AKAP13: variants seen among roughly 807,000 people sequenced by gnomAD.
AKAP13 encodes A-kinase anchoring protein 13.
A neutral mutation model predicts 264.5 loss-of-function variants in AKAP13; 80 were observed. The ratio of observed to expected loss-of-function variants is 0.30; its 90% CI spans 0.25 to 0.36. AKAP13 has a LOEUF of 0.36. Ranked by LOEUF, AKAP13 falls within the 10% of genes least tolerant of loss-of-function variation. The pLI, the probability that AKAP13 is intolerant of heterozygous loss-of-function variation, is 1.00. For synonymous variants in AKAP13, 1,380 were observed against 1,250.2 expected, an observed-to-expected ratio of 1.10 and a Z score of -2.19; for missense variants, 3,712 against 3,435.2, an observed-to-expected ratio of 1.08 and a Z score of -2.01.
At chr15:85,469,877 A>G (rs779955050) in intron 1 of AKAP13, among the ~76,000 whole-genome samples, 2 of 152,240 alleles carry the variant, frequency 1.3e-5, no homozygotes, top group Non-Finnish European at 2.9e-5. Flanking sequence ...TGTAGTATTT[A>G]AAGACAAAAG....
chr15:85,425,707 CTCTG>C (rs2072744536), intron 1 of AKAP13, among the ~76,000 whole-genome samples: 1 of 135,966 alleles, frequency 7.4e-6, no homozygotes, highest in Non-Finnish European at 1.6e-5. Flanking sequence ...CAGAGTGAGA[CTCTG>C]TCTCAAAAAA....
chr15:85,735,109 C>T lies in AKAP13; in HGVS notation c.7400C>T (p.Thr2467Ile), dbSNP rs1329068003. 1 of 1,614,104 alleles carries T rather than the reference C, an allele frequency of 6.2e-7. No individual in the cohort carries two copies. The highest frequency in any genetic ancestry group is 1.3e-5 in the African/African-American group (1 of 75,020). Residue 2467 changes from threonine (T) to isoleucine (I), a missense_variant, in exon 31 of 37, where the codon ACC (threonine) becomes ATC (isoleucine). Thr to Ile is a moderately conservative substitution (Grantham distance 89). Around this residue, in one of 3 missense-constraint regions of AKAP13, gnomAD observed 611 missense variants for 539.3 expected, o/e 1.13. Transcript: ENST00000394518. ...GTTTCCCTGCCCCGGAGAGCAGAGA[C>T]CTTTGGAGGATTTGACAGCCATCAG... is the stretch of plus-strand genomic sequence containing the variant. ...GPVSLPRRAE[T>I]FGGFDSHQMN...
chr15:85,455,855 T>C (rs1379198219), intron 1 of AKAP13, among the ~76,000 whole-genome samples: 1 of 152,224 alleles, frequency 6.6e-6, no homozygotes, highest in African/African-American at 2.4e-5. Context: ...CTTCCATCTG[T>C]TTTATTCTTA....
intron 8 of AKAP13, among the ~76,000 whole-genome samples, chr15:85,622,559 T>G (rs544671492): frequency 6.6e-6 from 1 of 152,130 alleles, no homozygotes; most frequent in Non-Finnish European, 1.5e-5. Context: ...AAAAGATTAT[T>G]CTGGTAGTAA....
At chr15:85,693,141 T>C in intron 16 of AKAP13, 136 bp from the exon 17 acceptor site, 5 of 1,352,992 alleles carry the variant, frequency 3.7e-6, no homozygotes, top group Non-Finnish European at 4.8e-6. Context: ...CAAAACACTT[T>C]GCCCAGAACT....
At chr15:85,613,713 T>TATATATATGTATGTATA (rs1254657975) in intron 8 of AKAP13, among the ~76,000 whole-genome samples, 1 of 111,022 alleles carries the variant, frequency 9.0e-6, no homozygotes, top group East Asian at 3.4e-4. Flanking sequence ...TATATATATA[T>TATATATATGTATGTATA]TAGGAGTGCT....
intron 2 of AKAP13, among the ~76,000 whole-genome samples, chr15:85,500,253 C>T (rs1248007177): frequency 1.3e-5 from 2 of 152,194 alleles, no homozygotes; most frequent in South Asian, 2.1e-4. Flanking sequence ...GGTGAAAAAC[C>T]GGATTTCAAC....
At chr15:85,674,622 A>G (rs192186708) in intron 14 of AKAP13, among the ~76,000 whole-genome samples, 92 of 152,290 alleles carry the variant, frequency 6.0e-4, no homozygotes, top group African/African-American at 2.2e-3. Context: ...GGCATGCATT[A>G]GACTATGACA....
At chr15:85,640,574 A>G (rs1279174416) in intron 9 of AKAP13, among the ~76,000 whole-genome samples, 1 of 152,196 alleles carries the variant, frequency 6.6e-6, no homozygotes, top group Non-Finnish European at 1.5e-5. Context: ...AGTTAAGGAT[A>G]TTATGCTATA....
chr15:85,689,237 T>C (rs2085124199), intron 16 of AKAP13, among the ~76,000 whole-genome samples: 1 of 152,244 alleles, frequency 6.6e-6, no homozygotes, highest in African/African-American at 2.4e-5. Flanking sequence ...TCCTGTGGTC[T>C]GTATAAAAAA....
At chr15:85,512,000 C>T (rs560011382) in intron 2 of AKAP13, among the ~76,000 whole-genome samples, 24 of 151,984 alleles carry the variant, frequency 1.6e-4, no homozygotes, top group Admixed American at 7.9e-4. Context: ...CCTTTAACAC[C>T]CCCTCACCCC....
rs567159066 is a variant in AKAP13 at position 85,526,809 on chromosome 15, T to C, written c.181+5234T>C. Among the ~76,000 whole-genome samples the C allele has an allele frequency of 2.6e-5, 4 of 152,246 alleles. No individual in the cohort carries two copies. The East Asian group carries it at 5.8e-4, about 22-fold the overall frequency. ...CCTATTCTGAAATACTCTCAAGCTATCTCTAGACAGATGAGATTTTATATT... is the reference window on the plus strand; with the variant it reads ...CCTATTCTGAAATACTCTCAAGCTACCTCTAGACAGATGAGATTTTATATT... On this transcript the variant is annotated intron_variant, in intron 3 of 36. Coordinates refer to ENST00000394518, the MANE Select transcript of AKAP13 (RefSeq NM_007200.5).
chr15:85,653,074 C>T (rs937711563), intron 10 of AKAP13, among the ~76,000 whole-genome samples: 1 of 152,170 alleles, frequency 6.6e-6, no homozygotes, highest in African/African-American at 2.4e-5. Flanking sequence ...TGTCCTTGTC[C>T]ATGGAAAGTT....
rs374713217 is a variant in AKAP13, at chr15:85,730,721, A to G, written c.7282+14A>G. The stretch of plus-strand genomic sequence containing the variant: ...CAATAAATGAGGGTAATTAACATTC[A>G]GCATTGCCCCCTCTTCATCTACTCC... On this transcript the variant is annotated intron_variant, in intron 30 of 36. Transcript: ENST00000394518. The G allele has an allele frequency of 1.4e-5, 23 of 1,600,798 alleles. No individual in the cohort carries two copies. In the African/African-American group the frequency reaches 2.9e-4, roughly 21 times the overall value.
intron 8 of AKAP13, among the ~76,000 whole-genome samples, chr15:85,594,898 G>A (rs561787279): frequency 3.9e-5 from 6 of 152,100 alleles, no homozygotes; most frequent in Admixed American, 3.9e-4. Flanking sequence ...TTACGGAGTT[G>A]TCCACTATAT....
chr15:85,416,024 G>T (rs1319387128), intron 1 of AKAP13, among the ~76,000 whole-genome samples: 2 of 152,126 alleles, frequency 1.3e-5, no homozygotes, highest in Non-Finnish European at 2.9e-5. Context: ...AAATGTCAAT[G>T]GGAAGATTCG....
intron 8 of AKAP13, among the ~76,000 whole-genome samples, chr15:85,618,598 T>G (rs1361132082): frequency 6.6e-6 from 1 of 152,144 alleles, no homozygotes; most frequent in Non-Finnish European, 1.5e-5. Flanking sequence ...CTGAAGTAAG[T>G]CTGTCCCTGA....
At chr15:85,513,120 T>C (rs944919470) in intron 2 of AKAP13, among the ~76,000 whole-genome samples, 5 of 152,186 alleles carry the variant, frequency 3.3e-5, no homozygotes, top group African/African-American at 4.8e-5. Context: ...TTGACTATTT[T>C]TGTAATTTTA....
chr15:85,732,938 C>A (rs752762534), intron 30 of AKAP13, among the ~76,000 whole-genome samples: 3 of 151,874 alleles, frequency 2.0e-5, no homozygotes, highest in Non-Finnish European at 4.4e-5. Flanking sequence ...ACTTGCTGTC[C>A]GCATTCTCCC....
Sources: allele counts gnomAD v4.1 joint callset (sites outside exome capture counted in the v4.1 genomes callset), GRCh38; gene constraint gnomAD v4.1.1; regional missense constraint gnomAD v4.1.1; transcripts MANE v1.5; gene names NCBI Gene and HGNC (gene_info 2026-07-23, HGNC 2026-07-21).